The following BTBD7 variants were observed in gnomAD, a reference collection of about 807,000 sequenced individuals.
BTBD7 encodes BTB/POZ domain-containing protein 7.
A neutral mutation model predicts 99.9 loss-of-function variants in BTBD7; 38 were observed. That is an observed-to-expected ratio of 0.38 (90% CI 0.29 to 0.50). BTBD7 has a LOEUF of 0.50. Among genes scored for constraint, BTBD7 ranks in the 20% least tolerant of loss-of-function variants. The pLI is 0.93. For synonymous variants in BTBD7, 520 were observed against 511.4 expected (o/e 1.02, Z -0.23); for missense variants, 1,170 against 1,394.6 (o/e 0.84, Z 2.57).
At chr14:93,263,650 G>C (rs1345837280) in intron 4 of BTBD7, 135 bp downstream of exon 4, 1 of 741,322 alleles carries the variant, frequency 1.3e-6, no homozygotes, top group East Asian at 2.7e-5. Flanking sequence ...ACTATGAAGA[G>C]GGCAGTCCTG....
chr14:93,267,884 G>A (rs2052558552), intron 3 of BTBD7, among the ~76,000 whole-genome samples: 2 of 152,216 alleles, frequency 1.3e-5, no homozygotes, highest in South Asian at 4.1e-4. Context: ...CCCACCTCCA[G>A]TCTTTCCCTT....
At chr14:93,261,983 T>G (rs1250756777) in intron 4 of BTBD7, among the ~76,000 whole-genome samples, 2 of 152,170 alleles carry the variant, frequency 1.3e-5, no homozygotes, top group Non-Finnish European at 2.9e-5. Context: ...TTTTTCCTTT[T>G]GAGATGAAGT....
intron 3 of BTBD7, among the ~76,000 whole-genome samples, chr14:93,292,440 T>C (rs1428806391): frequency 6.6e-6 from 1 of 152,190 alleles, no homozygotes; most frequent in Non-Finnish European, 1.5e-5. Flanking sequence ...GACATCTAAA[T>C]AGTCTATTAT....
At chr14:93,309,973 T>TC (rs989330614) in intron 1 of BTBD7, among the ~76,000 whole-genome samples, 3 of 152,002 alleles carry the variant, frequency 2.0e-5, no homozygotes, top group South Asian at 2.1e-4. Flanking sequence ...GTGTTTTTTT[T>TC]TCCCCCTTTA....
chr14:93,315,857 GTTA>G (rs1417947151), intron 1 of BTBD7, among the ~76,000 whole-genome samples: 1 of 151,788 alleles, frequency 6.6e-6, no homozygotes, highest in Non-Finnish European at 1.5e-5. Context: ...CCACTTTTTG[GTTA>G]TTATGAATAA....
chr14:93,265,990 T>C (rs2052537720), intron 3 of BTBD7, among the ~76,000 whole-genome samples: 1 of 152,194 alleles, frequency 6.6e-6, no homozygotes, highest in Non-Finnish European at 1.5e-5. Flanking sequence ...AATCTTCAGA[T>C]GACCCCAAAC....
chr14:93,243,480 AC>A (rs1355575525), intron 10 of BTBD7, among the ~76,000 whole-genome samples: 1 of 152,258 alleles, frequency 6.6e-6, no homozygotes, highest in East Asian at 1.9e-4. Flanking sequence ...GGCGTGAGCC[AC>A]CGCTCCTGGC....
chr14:93,326,688 G>C (rs2053337498), intron 1 of BTBD7, among the ~76,000 whole-genome samples: 1 of 151,988 alleles, frequency 6.6e-6, no homozygotes, highest in Admixed American at 6.6e-5. Flanking sequence ...TACAGTCCCA[G>C]CTACTTGGGA....
intron 3 of BTBD7, among the ~76,000 whole-genome samples, chr14:93,286,489 G>A (rs770400154): frequency 2.6e-5 from 4 of 152,168 alleles, no homozygotes; most frequent in African/African-American, 4.8e-5. Context: ...AACCCAAGTC[G>A]GGGGTAATGA....
rs1404021524 is a variant in BTBD7, at chr14:93,240,146, A to C, written c.*2127T>G. ...CTTTAAAAAAGGAGCCTCGAATGCG[A>C]TGCACAGCCGACCTGCAGATTAGTG... is the stretch of plus-strand genomic sequence containing the variant. On this transcript the variant is annotated 3_prime_UTR_variant, in exon 11 of 11. Transcript: ENST00000334746. 6.6e-6 allele frequency: 1 copy of C among 152,474 alleles called. No individual in the cohort carries two copies. Among genetic ancestry groups the C allele is most frequent in the Non-Finnish European group, 1.5e-5 (1 of 68,034 alleles). 9.4% of individuals were successfully genotyped at this position (152,474 alleles called of 1,614,324 possible). A position where few individuals can be genotyped will look rare whatever the true frequency, so the allele number is the denominator to read the frequency against.
intron 3 of BTBD7, among the ~76,000 whole-genome samples, chr14:93,276,536 G>C (rs576224672): frequency 1.3e-5 from 2 of 152,240 alleles, no homozygotes; most frequent in East Asian, 3.9e-4. Flanking sequence ...CCAGGCTATG[G>C]AAGCTGCCAG....
At chr14:93,318,983 G>C (rs569964784) in intron 1 of BTBD7, among the ~76,000 whole-genome samples, 2 of 152,186 alleles carry the variant, frequency 1.3e-5, no homozygotes, top group Admixed American at 1.3e-4. Flanking sequence ...TCAGGAGGCC[G>C]AGGTGGGCAG....
At position 93,239,543 on chromosome 14, in the gene BTBD7, G is replaced by C. The variant is rs1470802360; in HGVS notation, c.*2730C>G. ...ATTTAATAGATGGGTTCAAAAGCCA[G>C]AGGCATGTAGCTCTTGAACCTACCC... On this transcript the variant is annotated 3_prime_UTR_variant, in exon 11 of 11. Coordinates refer to ENST00000334746, the MANE Select transcript of BTBD7 (RefSeq NM_001002860.4). 6.6e-6 allele frequency: 1 copy of C among 151,812 alleles called. No homozygotes were observed. Among genetic ancestry groups the C allele is most frequent in the Non-Finnish European group, 1.5e-5 (1 of 67,954 alleles). 9.4% of individuals were successfully genotyped at this position (151,812 alleles called of 1,614,324 possible).
chr14:93,313,911 A>C (rs1213068127), intron 1 of BTBD7, among the ~76,000 whole-genome samples: 5 of 151,404 alleles, frequency 3.3e-5, no homozygotes, highest in Admixed American at 3.3e-4. Context: ...TGAACAACAA[A>C]ATTTTTTTTT....
At chr14:93,261,787 A>G (rs1425295551) in intron 4 of BTBD7, 110 bp from the exon 5 acceptor site, 3 of 755,706 alleles carry the variant, frequency 4.0e-6, no homozygotes, top group Non-Finnish European at 6.5e-6. Flanking sequence ...ACCATGTTTC[A>G]CTCTTTCCAT....
intron 1 of BTBD7, chr14:93,332,485 C>A (rs899235601): frequency 1.9e-4 from 32 of 168,878 alleles, no homozygotes; most frequent in African/African-American, 7.4e-4. Flanking sequence ...CCTCGGCGCC[C>A]GGAGCCCAAA....
At chr14:93,305,835 G>A (rs1310158682) in intron 1 of BTBD7, among the ~76,000 whole-genome samples, 1 of 152,154 alleles carries the variant, frequency 6.6e-6, no homozygotes, top group African/African-American at 2.4e-5. Context: ...CCAATATCTG[G>A]TGAGGGCCTT....
At chr14:93,300,528 T>A (rs561064669) in intron 1 of BTBD7, among the ~76,000 whole-genome samples, 37 of 152,066 alleles carry the variant, frequency 2.4e-4, no homozygotes, top group Admixed American at 1.1e-3. Context: ...AGTGCTGGGA[T>A]TACAGGCATG....
intron 1 of BTBD7, among the ~76,000 whole-genome samples, chr14:93,318,217 A>G (rs769365451): frequency 5.3e-5 from 8 of 152,220 alleles, no homozygotes; most frequent in Non-Finnish European, 8.8e-5. Context: ...TTGTTTTGGG[A>G]TAAATATTCA....
Sources: gnomAD v4.1 joint callset for allele counts (sites outside exome capture counted in the v4.1 genomes callset) on GRCh38, gnomAD v4.1.1 for gene constraint, MANE v1.5 for transcripts, NCBI Gene and HGNC (gene_info 2026-07-23, HGNC 2026-07-21) for gene names.